Variants in KDELR3 observed in about 807,000 individuals in gnomAD.
KDELR3 encodes the protein KDEL endoplasmic reticulum protein retention receptor 3, also known as ER lumen protein-retaining receptor 3.
KDELR3 carries 26 observed loss-of-function variants against 22.7 expected under a neutral mutation model. The observed-to-expected ratio is 1.15, with a 90% CI of 0.84 to 1.59. The LOEUF is 1.59. KDELR3 is among the 40% of genes most tolerant of loss of function. The probability of loss-of-function intolerance (pLI) is 0.00; values close to 1 mark genes in which losing one functional copy is unlikely to be tolerated. For synonymous variants in KDELR3, 120 were observed against 98.2 expected, an observed-to-expected ratio of 1.22 and a Z score of -1.31; for missense variants, 289 against 251.1, an observed-to-expected ratio of 1.15 and a Z score of -1.02.
In KDELR3 at chr22:38,482,647, T is replaced by C. The variant is rs896463292; in HGVS notation, c.*111T>C. 7 of 978,696 alleles carry C rather than the reference T, an allele frequency of 7.2e-6. No individual in the cohort carries two copies. In the African/African-American group the frequency reaches 9.7e-5, roughly 14 times the overall value. The allele number at this position is 978,696 out of a possible 1,614,324, so 60.6% of individuals were successfully genotyped here. On this transcript the variant is annotated 3_prime_UTR_variant, in exon 5 of 5. Coordinates refer to ENST00000216014, the MANE Select transcript of KDELR3 (RefSeq NM_006855.4). ...GGATCAAATGTTAAAACCAGAAAAG[T>C]GTTTAGTGTGGATTTCAGCAAAACC...
chr22:38,474,332 G>T, intron 1 of KDELR3, 191 bp from the exon 2 acceptor site: 1 of 541,028 alleles, frequency 1.8e-6, no homozygotes, highest in Non-Finnish European at 3.3e-6. Context: ...TGAGAGGAAC[G>T]ACGACTCAAG....
intron 2 of KDELR3, among the ~76,000 whole-genome samples, chr22:38,475,564 T>C (rs561396254): frequency 1.3e-5 from 2 of 152,312 alleles, no homozygotes; most frequent in African/African-American, 4.8e-5. Context: ...AGAGATGACA[T>C]GTAAGCTGAC....
Position 38,468,989 on chromosome 22 carries a change from C to T in KDELR3, c.91+665C>T, listed in dbSNP as rs543865698. Among the ~76,000 whole-genome samples the T allele has an allele frequency of 5.5e-4, 84 of 152,362 alleles. 1 individual carries two copies. Among genetic ancestry groups the T allele is most frequent in the African/African-American group, 2.0e-3 (83 of 41,584 alleles). On this transcript the variant is annotated intron_variant, in intron 1 of 4. Transcript: ENST00000216014. Reference sequence around the variant, plus strand: ...CACGAAAGGCTGCCAGAGCCTCCTCCAGCCATCTTTGTCCACCGGCATCCT... The same window carrying T: ...CACGAAAGGCTGCCAGAGCCTCCTCTAGCCATCTTTGTCCACCGGCATCCT...
chr22:38,477,877 T>C (rs2089570581), intron 2 of KDELR3, among the ~76,000 whole-genome samples: 2 of 152,204 alleles, frequency 1.3e-5, no homozygotes, highest in South Asian at 4.1e-4. Context: ...CATAGCTGAA[T>C]GAGGTCTAGG....
chr22:38,473,399 C>T (rs2089537019), intron 1 of KDELR3, among the ~76,000 whole-genome samples: 2 of 152,132 alleles, frequency 1.3e-5, no homozygotes, highest in African/African-American at 4.8e-5. Context: ...TATGATTGCA[C>T]CACTGCACCC....
At chr22:38,475,919 C>T (rs527944452) in intron 2 of KDELR3, among the ~76,000 whole-genome samples, 7 of 152,262 alleles carry the variant, frequency 4.6e-5, no homozygotes, top group African/African-American at 1.7e-4. Context: ...TGGGTGTGAG[C>T]CACCATGCCC....
At chr22:38,474,309 G>T (rs2089543685) in intron 1 of KDELR3, 1 of 497,834 alleles carries the variant, frequency 2.0e-6, no homozygotes, top group South Asian at 2.6e-5. Context: ...CTGGGAGACA[G>T]ATTACAGTTT....
rs1033609127 is a variant in KDELR3 at position 38,482,407 on chromosome 22, T to G, written c.605-89T>G. ...CGAACATATACTGTGAGCCGGCCAT[T>G]AAGAGATGATACCAAGATTATGCAT... is the stretch of plus-strand genomic sequence containing the variant. On this transcript the variant is annotated intron_variant, in intron 4 of 4. Coordinates refer to ENST00000216014, the MANE Select transcript of KDELR3 (RefSeq NM_006855.4). 8 of 1,084,922 alleles carry G rather than the reference T, an allele frequency of 7.4e-6. No individual in the cohort carries two copies. In the African/African-American group the frequency reaches 1.2e-4, roughly 17 times the overall value. 67.2% of individuals were successfully genotyped at this position (1,084,922 alleles called of 1,614,324 possible). A position where few individuals can be genotyped will look rare whatever the true frequency, so the allele number is the denominator to read the frequency against.
Position 38,482,586 on chromosome 22 carries a change from T to C in KDELR3, c.*50T>C. The C allele has an allele frequency of 1.3e-6, 2 of 1,481,558 alleles. No individual in the cohort carries two copies. The highest frequency in any genetic ancestry group is 1.9e-6 in the Non-Finnish European group (2 of 1,063,426). 91.8% of individuals were successfully genotyped at this position (1,481,558 alleles called of 1,614,324 possible). A position where few individuals can be genotyped will look rare whatever the true frequency, so the allele number is the denominator to read the frequency against. On this transcript the variant is annotated 3_prime_UTR_variant, in exon 5 of 5. Transcript: ENST00000216014. ...TTAACAAGCACATGAAGGAAACTAT[T>C]TTGAATGTTCTCTTTGGCAACTTAT...
chr22:38,476,709 A>AAG (rs1292740606), intron 2 of KDELR3, among the ~76,000 whole-genome samples: 1 of 151,448 alleles, frequency 6.6e-6, no homozygotes, highest in Admixed American at 6.6e-5. Context: ...ATTTTTTGAT[A>AAG]GAGACGGGGT....
chr22:38,469,593 G>C (rs2089511566), intron 1 of KDELR3, among the ~76,000 whole-genome samples: 1 of 152,156 alleles, frequency 6.6e-6, no homozygotes, highest in South Asian at 2.1e-4. Flanking sequence ...CTCAGGGGAG[G>C]TGGCCAGGAA....
intron 1 of KDELR3, among the ~76,000 whole-genome samples, chr22:38,469,756 G>A (rs374068480): frequency 2.0e-5 from 3 of 152,330 alleles, no homozygotes; most frequent in South Asian, 4.1e-4. Flanking sequence ...GACACTGCTG[G>A]GCACCTAGAA....
chr22:38,469,166 G>A (rs933402279), intron 1 of KDELR3, among the ~76,000 whole-genome samples: 5 of 152,238 alleles, frequency 3.3e-5, no homozygotes, highest in African/African-American at 9.6e-5. Flanking sequence ...GGACGAGCAG[G>A]TGTCAATCCA....
chr22:38,473,651 A>C (rs2089538734), intron 1 of KDELR3, among the ~76,000 whole-genome samples: 1 of 152,168 alleles, frequency 6.6e-6, no homozygotes, highest in Non-Finnish European at 1.5e-5. Context: ...GCAAAGAGTA[A>C]ATATAGGCAT....
At chr22:38,478,239 A>G (rs2089573113) in intron 2 of KDELR3, among the ~76,000 whole-genome samples, 2 of 151,808 alleles carry the variant, frequency 1.3e-5, no homozygotes, top group South Asian at 4.2e-4. Flanking sequence ...CACTTGGGAA[A>G]CTTGTTAGAA....
In KDELR3 at chr22:38,482,789, C is replaced by G. The variant is rs774432459; in HGVS notation, c.*253C>G. On this transcript the variant is annotated 3_prime_UTR_variant, in exon 5 of 5. Transcript: ENST00000216014. ...ATGGTGCCTCACTGCAACAAGAAACCTTAAGGTGTCTTACCGACGAAATAA... is the reference window on the plus strand; with the variant it reads ...ATGGTGCCTCACTGCAACAAGAAACGTTAAGGTGTCTTACCGACGAAATAA... The G allele has an allele frequency of 2.8e-5, 14 of 501,164 alleles. No homozygotes were observed. Among genetic ancestry groups the G allele is most frequent in the Non-Finnish European group, 4.2e-5 (12 of 284,260 alleles). The allele number at this position is 501,164 out of a possible 1,614,324, so 31.0% of individuals were successfully genotyped here.
At position 38,468,270 on chromosome 22, in the gene KDELR3, C is replaced by T. The variant is rs1488862260; in HGVS notation, c.37C>T (p.Leu13Phe). Residue 13 changes from leucine to phenylalanine, a missense_variant, in exon 1 of 5, where the codon CTC becomes TTC. Coordinates refer to ENST00000216014, the MANE Select transcript of KDELR3 (RefSeq NM_006855.4). ...CCGAATCCTCGGCGACCTGAGCCAC[C>T]TCCTGGCCATGATCTTGCTGCTGGG... ...VFRILGDLSH[L>F]LAMILLLGKI... The T allele has an allele frequency of 1.9e-6, 3 of 1,613,894 alleles. No individual in the cohort carries two copies. Among genetic ancestry groups the T allele is most frequent in the South Asian group, 2.2e-5 (2 of 91,080 alleles).
chr22:38,474,258 A>C (rs1461121284), intron 1 of KDELR3: 2 of 347,858 alleles, frequency 5.7e-6, no homozygotes, highest in Non-Finnish European at 1.1e-5. Flanking sequence ...AGGCACACGC[A>C]GGGGGACTGG....
chr22:38,473,174 C>T (rs1181501528), intron 1 of KDELR3, among the ~76,000 whole-genome samples: 1 of 152,042 alleles, frequency 6.6e-6, no homozygotes, highest in Non-Finnish European at 1.5e-5. Context: ...CCTATAATCC[C>T]AACACTGAGA....
Sources: gnomAD v4.1 joint callset for allele counts (sites outside exome capture counted in the v4.1 genomes callset) on GRCh38, gnomAD v4.1.1 for gene constraint, MANE v1.5 for transcripts, NCBI Gene and HGNC (gene_info 2026-07-23, HGNC 2026-07-21) for gene names.